The following METTL15 variants were observed in gnomAD, a reference collection of about 807,000 sequenced individuals.
METTL15 encodes the protein methyltransferase 15, mitochondrial 12S rRNA N4-cytidine, also known as 12S rRNA N(4)-cytidine methyltransferase METTL15.
METTL15 carries 34 observed loss-of-function variants against 38.3 expected under a neutral mutation model. The ratio of observed to expected loss-of-function variants is 0.89; its 90% CI spans 0.68 to 1.18. The LOEUF is 1.18. Ranked by LOEUF, METTL15 falls within the 50% of genes most tolerant of loss-of-function variation. The probability of loss-of-function intolerance (pLI) is 0.00; values close to 1 mark genes in which losing one functional copy is unlikely to be tolerated. For missense variants in METTL15, 438 were observed against 498.4 expected (o/e 0.88, Z 1.15); for synonymous variants, 162 against 170.9 (o/e 0.95, Z 0.41).
intron 4 of METTL15, among the ~76,000 whole-genome samples, chr11:28,222,574 C>G (rs1237999310): frequency 6.6e-6 from 1 of 152,178 alleles, no homozygotes; most frequent in Non-Finnish European, 1.5e-5. Flanking sequence ...ACCCACTGTC[C>G]TACAATCCCC....
chr11:28,119,980 C>T (rs947393117), intron 3 of METTL15, among the ~76,000 whole-genome samples: 1 of 152,122 alleles, frequency 6.6e-6, no homozygotes, highest in Admixed American at 6.5e-5. Context: ...GAGACGGAGT[C>T]TCACTCTGTC....
At chr11:28,530,944 A>C (rs951213646), downstream of METTL15, among the ~76,000 whole-genome samples, 39 of 152,018 alleles carry the variant, frequency 2.6e-4, 1 homozygote, top group African/African-American at 9.2e-4. Context: ...AGGAATATGA[A>C]GTCTAAGGGG....
At chr11:28,157,793 C>T (rs1850315037) in intron 3 of METTL15, among the ~76,000 whole-genome samples, 1 of 152,164 alleles carries the variant, frequency 6.6e-6, no homozygotes, top group Admixed American at 6.5e-5. Context: ...ACCCAGCCTT[C>T]TCTCCCCAAG....
intron 4 of METTL15, among the ~76,000 whole-genome samples, chr11:28,247,515 G>A (rs1854562815): frequency 6.6e-6 from 1 of 152,038 alleles, no homozygotes; most frequent in Non-Finnish European, 1.5e-5. Context: ...TTTATGAAAT[G>A]AATTCATACT....
chr11:28,465,986 C>A (rs1851253492), intron 6 of METTL15, among the ~76,000 whole-genome samples: 2 of 152,178 alleles, frequency 1.3e-5, no homozygotes, highest in South Asian at 2.1e-4. Flanking sequence ...TATGTTAATT[C>A]TTTCTTCCCC....
At chr11:28,192,933 T>G (rs979572154) in intron 3 of METTL15, among the ~76,000 whole-genome samples, 1 of 152,136 alleles carries the variant, frequency 6.6e-6, no homozygotes, top group Non-Finnish European at 1.5e-5. Context: ...TGACTTTATG[T>G]GTGTAGACTT....
intron 5 of METTL15, among the ~76,000 whole-genome samples, chr11:28,388,058 T>C (rs181402573): frequency 8.9e-4 from 135 of 152,088 alleles, no homozygotes; most frequent in African/African-American, 3.2e-3. Flanking sequence ...CTCAACATAA[T>C]AAATGCCATA....
At chr11:28,326,201 C>T (rs1479972541) in intron 6 of METTL15, among the ~76,000 whole-genome samples, 3 of 151,920 alleles carry the variant, frequency 2.0e-5, no homozygotes, top group Non-Finnish European at 2.9e-5. Context: ...TCCTCAAGGG[C>T]GGGGACCATT....
chr11:28,230,348 A>G (rs1853637683), intron 4 of METTL15, among the ~76,000 whole-genome samples: 1 of 151,960 alleles, frequency 6.6e-6, no homozygotes, highest in Admixed American at 6.6e-5. Context: ...ATGAAAGTCA[A>G]CGTGTATATT....
chr11:28,108,888 G>A (rs1239477556), intron 1 of METTL15, among the ~76,000 whole-genome samples: 1 of 152,144 alleles, frequency 6.6e-6, no homozygotes, highest in Non-Finnish European at 1.5e-5. Context: ...TAAAAAGAGA[G>A]AAAATACCTG....
chr11:28,180,862 A>C (rs533621624), intron 3 of METTL15, among the ~76,000 whole-genome samples: 1 of 151,828 alleles, frequency 6.6e-6, no homozygotes, highest in African/African-American at 2.4e-5. Context: ...GACAACTGCC[A>C]TTAAGTGTTT....
chr11:28,382,201 G>C (rs1850393669), intron 5 of METTL15, among the ~76,000 whole-genome samples: 1 of 152,244 alleles, frequency 6.6e-6, no homozygotes, highest in East Asian at 1.9e-4. Flanking sequence ...CTTGCTGAGG[G>C]AACATGTCGA....
chr11:28,373,344 T>C (rs1225784913), intron 5 of METTL15, among the ~76,000 whole-genome samples: 2 of 152,080 alleles, frequency 1.3e-5, no homozygotes, highest in Admixed American at 6.6e-5. Context: ...CTCATTGTGG[T>C]TTTGATTTGC....
chr11:28,462,054 C>A (rs958824182), intron 6 of METTL15, among the ~76,000 whole-genome samples: 1 of 152,008 alleles, frequency 6.6e-6, no homozygotes, highest in African/African-American at 2.4e-5. Context: ...AAGCATTGAA[C>A]AATGTGACTC....
intron 3 of METTL15, among the ~76,000 whole-genome samples, chr11:28,187,506 A>G (rs1246840460): frequency 6.7e-6 from 1 of 149,164 alleles, no homozygotes; most frequent in Non-Finnish European, 1.5e-5. Flanking sequence ...GTACATAAGA[A>G]CACAATAAAT....
chr11:28,290,558 A>G (rs1374075043), intron 5 of METTL15, among the ~76,000 whole-genome samples, 161 bp downstream of exon 5: 1 of 152,162 alleles, frequency 6.6e-6, no homozygotes, highest in East Asian at 1.9e-4. Flanking sequence ...TATACACATC[A>G]GTATTTCTCT....
chr11:28,113,222 G>GGA (rs1851788772), intron 2 of METTL15, 96 bp from the exon 3 acceptor site: 1 of 790,772 alleles, frequency 1.3e-6, no homozygotes, highest in Non-Finnish European at 2.0e-6. Context: ...ACTTTTTTTT[G>GGA]ATGTGCTAAA....
chr11:28,381,144 A>T lies in METTL15; in HGVS notation c.*358+19108A>T, dbSNP rs888838047. Among the ~76,000 whole-genome samples the T allele has an allele frequency of 2.0e-5, 3 of 152,132 alleles. 1 individual carries two copies. The highest frequency in any genetic ancestry group is 4.4e-5 in the Non-Finnish European group (3 of 68,002). On this transcript the variant is annotated intron_variant and NMD_transcript_variant, in intron 5 of 7. Transcript: ENST00000532947. ...CAGCCTCCCAAGTAGCTGTGACTAC[A>T]GGCATGTGCTTGGCTAATTTTTATT...
intron 6 of METTL15, among the ~76,000 whole-genome samples, chr11:28,479,741 A>G (rs544791575): frequency 3.3e-5 from 5 of 152,204 alleles, no homozygotes; most frequent in African/African-American, 9.6e-5. Context: ...TGTGGCAATA[A>G]TAATCATCAG....
Sources: gnomAD v4.1 joint callset for allele counts (sites outside exome capture counted in the v4.1 genomes callset) on GRCh38, gnomAD v4.1.1 for gene constraint, MANE v1.5 for transcripts, NCBI Gene and HGNC (gene_info 2026-07-23, HGNC 2026-07-21) for gene names.